The following RYR2 variants were observed in gnomAD, a reference collection of about 807,000 sequenced individuals.
RYR2 encodes the protein ryanodine receptor 2.
RYR2 carries 227 observed loss-of-function variants against 601.1 expected under a neutral mutation model. The ratio of observed to expected loss-of-function variants is 0.38; its 90% CI spans 0.34 to 0.42. The LOEUF (loss-of-function observed/expected upper bound fraction) is 0.42. RYR2 is among the 10% of genes least tolerant of loss of function. The pLI is 1.00. For synonymous variants in RYR2, 2,223 were observed against 2,175.1 expected (o/e 1.02, Z -0.61); for missense variants, 4,646 against 6,156.5 (o/e 0.75, Z 8.21).
chr1:237,781,488 T>G, intron 88 of RYR2, 77 bp from the exon 89 acceptor site: 1 of 741,196 alleles, frequency 1.3e-6, no homozygotes, highest in Non-Finnish European at 2.3e-6. Flanking sequence ...AGCAGCATCC[T>G]TTTTGTGAGA....
At chr1:237,442,945 A>G (rs1227143923) in intron 13 of RYR2, among the ~76,000 whole-genome samples, 1 of 152,172 alleles carries the variant, frequency 6.6e-6, no homozygotes, top group Non-Finnish European at 1.5e-5. Flanking sequence ...AAATTGTTGG[A>G]AAACTTTTAT....
chr1:237,750,960 G>C (rs1401097108), intron 80 of RYR2, among the ~76,000 whole-genome samples: 1 of 152,202 alleles, frequency 6.6e-6, no homozygotes, highest in African/African-American at 2.4e-5. Flanking sequence ...TTGATCTGGG[G>C]TAGGGTTAAT....
At chr1:237,638,973 T>G in intron 45 of RYR2, 42 bp from the exon 46 acceptor site, 2 of 1,596,412 alleles carry the variant, frequency 1.3e-6, no homozygotes, top group Non-Finnish European at 8.6e-7. Context: ...AGAACTTCCA[T>G]ATAATCATAT....
chr1:237,798,603 TTACTA>T (rs1456597394), intron 97 of RYR2, among the ~76,000 whole-genome samples: 6 of 152,168 alleles, frequency 3.9e-5, no homozygotes, highest in Non-Finnish European at 5.9e-5. Flanking sequence ...TCATATTACT[TTACTA>T]TAAGTATTGT....
At chr1:237,492,094 G>A (rs193196401) in intron 18 of RYR2, among the ~76,000 whole-genome samples, 170 bp downstream of exon 18, 155 of 152,230 alleles carry the variant, frequency 1.0e-3, no homozygotes, top group African/African-American at 3.4e-3. Context: ...GTGCAGTGGC[G>A]CGATCTCAGC....
intron 17 of RYR2, among the ~76,000 whole-genome samples, chr1:237,476,164 CT>C: frequency 6.6e-6 from 1 of 152,302 alleles, no homozygotes; most frequent in South Asian, 2.1e-4. Context: ...ATTTCTTCCC[CT>C]CTCTTAGTAA....
chr1:237,246,386 G>A (rs778203660), intron 1 of RYR2, among the ~76,000 whole-genome samples: 6 of 152,166 alleles, frequency 3.9e-5, no homozygotes, highest in Non-Finnish European at 7.4e-5. Flanking sequence ...GTGAGCCACC[G>A]TGCCTGGACT....
At chr1:237,444,230 T>C (rs1374609003) in intron 13 of RYR2, among the ~76,000 whole-genome samples, 4 of 152,208 alleles carry the variant, frequency 2.6e-5, no homozygotes, top group African/African-American at 7.2e-5. Context: ...ATTTGACTTC[T>C]AGTTTAGTAA....
intron 1 of RYR2, among the ~76,000 whole-genome samples, chr1:237,138,365 T>G (rs1673029975): frequency 6.6e-6 from 1 of 152,150 alleles, no homozygotes; most frequent in Admixed American, 6.6e-5. Flanking sequence ...CTGAAGGTGT[T>G]TTATTACTGA....
At chr1:237,603,404 A>C (rs79662710) in intron 35 of RYR2, among the ~76,000 whole-genome samples, 1 of 152,146 alleles carries the variant, frequency 6.6e-6, no homozygotes. Flanking sequence ...CTGATTGTTT[A>C]TTCACTGACC....
intron 76 of RYR2, 101 bp downstream of exon 76, chr1:237,727,300 G>A (rs1403200714): frequency 4.2e-6 from 2 of 475,642 alleles, no homozygotes; most frequent in African/African-American, 4.0e-5. Flanking sequence ...TAGTCCAAGA[G>A]AAGGATGGAA....
At chr1:237,625,590 A>G (rs1303160772) in intron 39 of RYR2, 71 bp from the exon 40 acceptor site, 2 of 1,461,226 alleles carry the variant, frequency 1.4e-6, no homozygotes, top group Non-Finnish European at 9.3e-7. Flanking sequence ...AGAAATTACA[A>G]GGCCTCAGAA....
intron 38 of RYR2, among the ~76,000 whole-genome samples, chr1:237,618,966 C>G (rs1678789107): frequency 6.6e-6 from 1 of 152,060 alleles, no homozygotes; most frequent in Non-Finnish European, 1.5e-5. Context: ...TAACAGGGTC[C>G]CTTCCCTCCT....
chr1:237,782,785 A>G (rs1032604877), intron 89 of RYR2, among the ~76,000 whole-genome samples: 6 of 152,196 alleles, frequency 3.9e-5, no homozygotes, highest in Admixed American at 3.9e-4. Flanking sequence ...TTCAATGGTA[A>G]TATTATCTCA....
In RYR2 at chr1:237,623,672, A is replaced by G. The variant is rs912738837; in HGVS notation, c.5917-93A>G. On this transcript the variant is annotated intron_variant, in intron 38 of 104. Coordinates refer to ENST00000366574, the MANE Select transcript of RYR2 (RefSeq NM_001035.3). ...CTCCCAGAGTGCTGGGATTACAGGC[A>G]TGAGCCACTCCGCCCGGCCCTGCTG... 5.4e-6 allele frequency: 4 copies of G among 742,434 alleles called. No homozygotes were observed. In the East Asian group the frequency reaches 7.9e-5, roughly 15 times the overall value. The allele number at this position is 742,434 out of a possible 1,614,324, so 46.0% of individuals were successfully genotyped here.
chr1:237,288,961 C>A (rs898203523), intron 2 of RYR2, among the ~76,000 whole-genome samples: 1 of 152,160 alleles, frequency 6.6e-6, no homozygotes, highest in African/African-American at 2.4e-5. Context: ...GGGGACCCAG[C>A]GAGCTCCCAG....
At chr1:237,513,444 C>G (rs1168709735) in intron 24 of RYR2, among the ~76,000 whole-genome samples, 1 of 152,054 alleles carries the variant, frequency 6.6e-6, no homozygotes, top group Non-Finnish European at 1.5e-5. Context: ...TACCAGGGAC[C>G]CGGAACATAA....
chr1:237,654,982 G>T (rs930097891), intron 52 of RYR2, among the ~76,000 whole-genome samples: 1 of 152,172 alleles, frequency 6.6e-6, no homozygotes, highest in African/African-American at 2.4e-5. Flanking sequence ...CAAGTTTTGT[G>T]TGTTCATCCT....
At chr1:237,654,450 A>T (rs1056608174) in intron 52 of RYR2, 36 bp downstream of exon 52, 1 of 1,605,994 alleles carries the variant, frequency 6.2e-7, no homozygotes, top group Admixed American at 1.7e-5. Flanking sequence ...TTGTATCAAT[A>T]AAATGGTATA....
Sources: allele counts gnomAD v4.1 joint callset (sites outside exome capture counted in the v4.1 genomes callset), GRCh38; gene constraint gnomAD v4.1.1; transcripts MANE v1.5; gene names NCBI Gene and HGNC (gene_info 2026-07-23, HGNC 2026-07-21).